BNIP2: variants seen among roughly 807,000 people sequenced by gnomAD.
BNIP2 encodes the protein BCL2 interacting protein 2.
Under a neutral mutation model 43.4 loss-of-function variants are expected in BNIP2, and 36 were observed. That is an observed-to-expected ratio of 0.83 (90% CI 0.64 to 1.10). The LOEUF is 1.10. Among genes scored for constraint, BNIP2 ranks in the 50% least tolerant of loss-of-function variants. The pLI is 0.00. For synonymous variants in BNIP2, 146 were observed against 121.0 expected (o/e 1.21, Z -1.35); for missense variants, 417 against 374.1 (o/e 1.11, Z -0.95).
rs1169646867 is a variant in BNIP2 at position 59,663,686 on chromosome 15, A to G, written c.*383T>C. ...TTCTTCCATAAGACAGGTACACATT[A>G]AAAAATATTGCTCAATGACATAAAA... is the stretch of plus-strand genomic sequence containing the variant. On this transcript the variant is annotated 3_prime_UTR_variant, in exon 10 of 10. Transcript: ENST00000607373. The G allele has an allele frequency of 6.4e-6, 1 of 155,976 alleles. No homozygotes were observed. The highest frequency in any genetic ancestry group is 1.9e-4 in the East Asian group (1 of 5,370). 9.7% of individuals were successfully genotyped at this position (155,976 alleles called of 1,614,324 possible). A position where few individuals can be genotyped will look rare whatever the true frequency, so the allele number is the denominator to read the frequency against.
At chr15:59,675,255 A>C (rs1276794650) in intron 5 of BNIP2, among the ~76,000 whole-genome samples, 3 of 150,822 alleles carry the variant, frequency 2.0e-5, no homozygotes, top group Admixed American at 1.3e-4. Flanking sequence ...TCTCAAAAAA[A>C]AAAAAAAGAA....
chr15:59,683,750 T>C lies in BNIP2; in HGVS notation c.-57-1236A>G, dbSNP rs559362271. Among the ~76,000 whole-genome samples the C allele has an allele frequency of 4.8e-4, 73 of 151,986 alleles. 1 individual carries two copies. Among genetic ancestry groups the C allele is most frequent in the African/African-American group, 1.7e-3 (69 of 41,440 alleles). ...AGGAGAATCGCTTGAACCTGGGAGG[T>C]GGAGGTTGCAGCGAGCCGAGGTCAC... On this transcript the variant is annotated intron_variant, in intron 1 of 9. Coordinates refer to ENST00000607373, the MANE Select transcript of BNIP2 (RefSeq NM_004330.4).
chr15:59,680,782 A>C (rs1395549943), intron 2 of BNIP2, among the ~76,000 whole-genome samples: 1 of 152,074 alleles, frequency 6.6e-6, no homozygotes. Context: ...TAATTTTAAA[A>C]GTTTTTTTGG....
intron 2 of BNIP2, 122 bp from the exon 3 acceptor site, chr15:59,680,430 G>T: frequency 1.3e-6 from 1 of 742,640 alleles, no homozygotes; most frequent in Non-Finnish European, 2.0e-6. Context: ...AAGCAGTGTT[G>T]TTGTTTTTGA....
intron 5 of BNIP2, 61 bp from the exon 6 acceptor site, chr15:59,672,800 G>C: frequency 1.7e-6 from 2 of 1,202,980 alleles, no homozygotes; most frequent in Non-Finnish European, 2.4e-6. Flanking sequence ...ATTTTTAGAA[G>C]ACATCTGTAT....
Position 59,664,103 on chromosome 15 carries a change from T to A in BNIP2, c.911A>T (p.Asn304Ile). The A allele has an allele frequency of 1.9e-6, 3 of 1,548,174 alleles. No individual in the cohort carries two copies. The highest frequency in any genetic ancestry group is 2.6e-6 in the Non-Finnish European group (3 of 1,144,200). Reference sequence around the variant, plus strand: ...ATTTTTCGGTTCATCTTGTTTTCCATTAAGTTCTTGATCAACTCTGTTTAA... The same window carrying A: ...ATTTTTCGGTTCATCTTGTTTTCCAATAAGTTCTTGATCAACTCTGTTTAA... ...ECIKQVDQELNGKQDEPKNEQ is the reference protein window; with the variant it reads ...ECIKQVDQELIGKQDEPKNEQ Residue 304 changes from asparagine (N) to isoleucine (I), a missense_variant, in exon 10 of 10, where the codon AAT becomes ATT. By Grantham distance (149) the Asn-to-Ile change is moderately radical. Coordinates refer to ENST00000607373, the MANE Select transcript of BNIP2 (RefSeq NM_004330.4).
intron 8 of BNIP2, 119 bp from the exon 9 acceptor site, chr15:59,669,109 T>C (rs1892743400): frequency 4.5e-6 from 5 of 1,108,932 alleles, no homozygotes; most frequent in South Asian, 1.4e-5. Context: ...AGATGATAAA[T>C]GTCTGAGGTG....
Position 59,660,034 on chromosome 15 carries a change from G to C in BNIP2, c.*4035C>G, listed in dbSNP as rs1250898223. On this transcript the variant is annotated 3_prime_UTR_variant, in exon 10 of 10. Coordinates refer to ENST00000607373, the MANE Select transcript of BNIP2 (RefSeq NM_004330.4). ...TTCAGAATTTCAAGAAGGGCAGAGGGGGATGCTTGCCAGGTAATTCTTTTG... is the reference window on the plus strand; with the variant it reads ...TTCAGAATTTCAAGAAGGGCAGAGGCGGATGCTTGCCAGGTAATTCTTTTG... The C allele has an allele frequency of 1.3e-5, 2 of 152,128 alleles. No homozygotes were observed. Among genetic ancestry groups the C allele is most frequent in the African/African-American group, 2.4e-5 (1 of 41,410 alleles). 9.4% of individuals were successfully genotyped at this position (152,128 alleles called of 1,614,324 possible).
chr15:59,668,414 T>C (rs371076883), intron 9 of BNIP2, among the ~76,000 whole-genome samples: 16 of 152,224 alleles, frequency 1.1e-4, no homozygotes, highest in African/African-American at 3.9e-4. Context: ...AGAAGTTACA[T>C]GGAAGAATGT....
chr15:59,676,227 G>C (rs920666372), intron 5 of BNIP2, among the ~76,000 whole-genome samples: 2 of 152,170 alleles, frequency 1.3e-5, no homozygotes, highest in South Asian at 4.1e-4. Context: ...CTAGAGTGCA[G>C]TGGGATGATC....
chr15:59,686,319 G>C (rs1894011026), intron 1 of BNIP2, among the ~76,000 whole-genome samples: 1 of 152,208 alleles, frequency 6.6e-6, no homozygotes. Flanking sequence ...GGAGGACAAG[G>C]TGGGAAGATG....
chr15:59,685,400 C>T (rs1893947661), intron 1 of BNIP2, among the ~76,000 whole-genome samples: 2 of 152,188 alleles, frequency 1.3e-5, no homozygotes, highest in East Asian at 1.9e-4. Context: ...ACTATGGAGG[C>T]TAAGGCAGGA....
intron 1 of BNIP2, 138 bp from the exon 2 acceptor site, chr15:59,682,652 A>C (rs1398058025): frequency 1.3e-5 from 8 of 601,232 alleles, no homozygotes; most frequent in Non-Finnish European, 2.1e-5. Flanking sequence ...ACAGGGTTGC[A>C]ATTTTTTTTT....
At chr15:59,683,104 C>A (rs6151481) in intron 1 of BNIP2, among the ~76,000 whole-genome samples, 4 of 152,188 alleles carry the variant, frequency 2.6e-5, no homozygotes, top group African/African-American at 9.7e-5. Flanking sequence ...ATACTATGCC[C>A]TTCTCATATA....
chr15:59,672,559 A>G (rs1892998345), intron 6 of BNIP2, 78 bp downstream of exon 6: 1 of 1,091,978 alleles, frequency 9.2e-7, no homozygotes, highest in South Asian at 1.5e-5. Flanking sequence ...ATAATTTTTG[A>G]AAAGGTTAAG....
At chr15:59,673,085 T>G (rs1196195410) in intron 5 of BNIP2, among the ~76,000 whole-genome samples, 4 of 152,072 alleles carry the variant, frequency 2.6e-5, no homozygotes, top group Non-Finnish European at 2.9e-5. Context: ...CAATGTATTT[T>G]TATTTATTTC....
At chr15:59,679,555 T>A in intron 4 of BNIP2, 37 bp downstream of exon 4, 1 of 1,578,722 alleles carries the variant, frequency 6.3e-7, no homozygotes. Flanking sequence ...CCTTAGTACA[T>A]TAATAAAGAT....
intron 5 of BNIP2, among the ~76,000 whole-genome samples, chr15:59,673,294 TTAG>T (rs1893051791): frequency 6.6e-6 from 1 of 151,308 alleles, no homozygotes; most frequent in South Asian, 2.1e-4. Flanking sequence ...TTGTGTATTT[TTAG>T]TAGAGATGGG....
At position 59,663,978 on chromosome 15, in the gene BNIP2, A is replaced by G; in HGVS notation, c.*91T>C. ...AAGTCTATTTTGTAACAGGTTACAT[A>G]AAAATATGGGCCAATAAATGCATTA... On this transcript the variant is annotated 3_prime_UTR_variant, in exon 10 of 10. Transcript: ENST00000607373. 4 of 1,035,818 alleles carry G rather than the reference A, an allele frequency of 3.9e-6. No individual in the cohort carries two copies. The highest frequency in any genetic ancestry group is 5.5e-6 in the Non-Finnish European group (4 of 725,648). The allele number at this position is 1,035,818 out of a possible 1,614,324, so 64.2% of individuals were successfully genotyped here.
Sources: gnomAD v4.1 joint callset for allele counts (sites outside exome capture counted in the v4.1 genomes callset) on GRCh38, gnomAD v4.1.1 for gene constraint, MANE v1.5 for transcripts, NCBI Gene and HGNC (gene_info 2026-07-23, HGNC 2026-07-21) for gene names.